The following SPDYE18 variants were observed in gnomAD, a reference collection of about 807,000 sequenced individuals.
SPDYE18 encodes the protein speedy protein E18.
In SPDYE18, 6 loss-of-function variants were observed where a neutral mutation model predicts 44.9. That is an observed-to-expected ratio of 0.13 (90% confidence interval 0.07 to 0.26). The LOEUF is 0.26. Ranked by LOEUF, SPDYE18 falls within the 10% of genes least tolerant of loss-of-function variation. SPDYE18 has a pLI of 1.00. For missense variants in SPDYE18, 121 were observed against 463.2 expected, an observed-to-expected ratio of 0.26 and a Z score of 6.78; for synonymous variants, 35 against 177.1, an observed-to-expected ratio of 0.20 and a Z score of 6.37.
chr7:77,053,431 G>A (rs567161775), intron 6 of SPDYE18, among the ~76,000 whole-genome samples: 29 of 152,390 alleles, frequency 1.9e-4, no homozygotes, highest in African/African-American at 6.7e-4. Context: ...GGCCGAGAGT[G>A]GTGGCTTATG....
rs1430284610 is a variant in SPDYE18 at position 77,056,325 on chromosome 7, G to A, written c.669+225C>T. Among the ~76,000 whole-genome samples the A allele has an allele frequency of 1.1e-4, 6 of 53,082 alleles. No homozygotes were observed. In the Admixed American group the frequency reaches 1.7e-3, roughly 15 times the overall value. 34.8% of individuals were successfully genotyped at this position (53,082 alleles called of 152,430 possible). ...GCTTGGAGGCTGAGGCAGGAGAATC[G>A]CTTGAACCCGGGAGGCATCGGCTGC... On this transcript the variant is annotated intron_variant, in intron 5 of 8. Transcript: ENST00000510091.
intron 2 of SPDYE18, among the ~76,000 whole-genome samples, chr7:77,060,008 CTTCTTTTCTTTT>C (rs1789994520): frequency 7.0e-6 from 1 of 141,866 alleles, no homozygotes; most frequent in Non-Finnish European, 1.5e-5. Context: ...ACCGCTGACC[CTTCTTTTCTTTT>C]TTCTTTTCTT....
Position 77,050,963 on chromosome 7 carries a change from C to A in SPDYE18, c.*962G>T, listed in dbSNP as rs1366427638. On this transcript the variant is annotated 3_prime_UTR_variant, in exon 9 of 9. Coordinates refer to ENST00000510091, the MANE Select transcript of SPDYE18 (RefSeq NM_001394953.1). ...AATAATACTTAAATAATTCTATACCCATGTTTTTCAAAATAAACCAATAAA... is the reference window on the plus strand; with the variant it reads ...AATAATACTTAAATAATTCTATACCAATGTTTTTCAAAATAAACCAATAAA... 2.6e-5 allele frequency among the ~76,000 whole-genome samples: 4 copies of A among 150,958 alleles called. No homozygotes were observed. The East Asian group carries it at 7.7e-4, about 29-fold the overall frequency.
At position 77,051,260 on chromosome 7, in the gene SPDYE18, T is replaced by C. The variant is rs539836062; in HGVS notation, c.*665A>G. Among the ~76,000 whole-genome samples, 682 of 152,244 alleles carry C rather than the reference T, an allele frequency of 4.5e-3. No individual in the cohort carries two copies. The highest frequency in any genetic ancestry group is 0.014 in the African/African-American group (592 of 41,540). ...AATAAAATATTTAGGATAAAAAGAA[T>C]TGTCTCTTAAAAATGAAAAGAAAAT... On this transcript the variant is annotated 3_prime_UTR_variant, in exon 9 of 9. Coordinates refer to ENST00000510091, the MANE Select transcript of SPDYE18 (RefSeq NM_001394953.1).
At chr7:77,054,726 T>G (rs1789886749) in intron 6 of SPDYE18, among the ~76,000 whole-genome samples, 1 of 150,970 alleles carries the variant, frequency 6.6e-6, no homozygotes, top group African/African-American at 2.4e-5. Flanking sequence ...CCTTTTGTTT[T>G]ATTCTTTTAT....
chr7:77,051,327 A>ACT lies in SPDYE18; in HGVS notation c.*596_*597dup, dbSNP rs550307221. Reference sequence around the variant, plus strand: ...TAACAACTATAACTCTCATCAAAAAACTACAGGAACAGCATGTTTTCAAAA... The same window carrying ACT: ...TAACAACTATAACTCTCATCAAAAAACTCTACAGGAACAGCATGTTTTCAAAA... On this transcript the variant is annotated 3_prime_UTR_variant, in exon 9 of 9. Transcript: ENST00000510091. 4.6e-5 allele frequency among the ~76,000 whole-genome samples: 7 copies of ACT among 152,284 alleles called. No individual in the cohort carries two copies. The highest frequency in any genetic ancestry group is 2.4e-5 in the African/African-American group (1 of 41,488).
At chr7:77,053,296 C>T (rs538632773) in intron 6 of SPDYE18, 93 bp from the exon 7 acceptor site, 2 of 1,524,232 alleles carry the variant, frequency 1.3e-6, no homozygotes, top group African/African-American at 2.7e-5. Context: ...AAGGGACTGT[C>T]CCTAGCTCAG....
intron 1 of SPDYE18, among the ~76,000 whole-genome samples, chr7:77,062,082 C>G (rs3972469): frequency 2.2e-5 from 3 of 137,812 alleles, no homozygotes; most frequent in Admixed American, 1.6e-4. Flanking sequence ...GAGCCAAGAT[C>G]GCACCATTGT....
At chr7:77,060,096 AGTG>A in intron 2 of SPDYE18, among the ~76,000 whole-genome samples, 1 of 147,664 alleles carries the variant, frequency 6.8e-6, no homozygotes, top group South Asian at 2.2e-4. Flanking sequence ...CCCAGTCTCA[AGTG>A]ATTCTCCTGT....
At chr7:77,062,011 CG>C (rs1790027815) in intron 1 of SPDYE18, among the ~76,000 whole-genome samples, 1 of 117,738 alleles carries the variant, frequency 8.5e-6, no homozygotes, top group African/African-American at 3.3e-5. Context: ...TGCCTGTAAT[CG>C]CAGCTACTCA....
At chr7:77,054,783 T>C (rs1789888595) in intron 6 of SPDYE18, among the ~76,000 whole-genome samples, 3 of 150,838 alleles carry the variant, frequency 2.0e-5, no homozygotes, top group Admixed American at 2.0e-4. Flanking sequence ...TTTTTTTTTT[T>C]TTGAGAAAAA....
chr7:77,052,248 C>G (rs1789815707), intron 8 of SPDYE18, among the ~76,000 whole-genome samples: 1 of 151,518 alleles, frequency 6.6e-6, no homozygotes, highest in Non-Finnish European at 1.5e-5. Flanking sequence ...AGATGTGTTT[C>G]TAATGTGACA....
rs1226572644 is a variant in SPDYE18 at position 77,060,848 on chromosome 7, C to G, written c.-336G>C. ...ACTCCACATCCCTGTGTTCCCTGTC[C>G]CAGCAGAGGCTGTGTCCTCTCCACT... On this transcript the variant is annotated 5_prime_UTR_variant, in exon 2 of 9. Coordinates refer to ENST00000510091, the MANE Select transcript of SPDYE18 (RefSeq NM_001394953.1). Among the ~76,000 whole-genome samples the G allele has an allele frequency of 1.3e-5, 2 of 151,516 alleles. No homozygotes were observed. Among genetic ancestry groups the G allele is most frequent in the Admixed American group, 1.3e-4 (2 of 15,188 alleles).
intron 8 of SPDYE18, among the ~76,000 whole-genome samples, 136 bp downstream of exon 8, chr7:77,052,597 G>C (rs1267959671): frequency 6.6e-6 from 1 of 152,290 alleles, no homozygotes; most frequent in Non-Finnish European, 1.5e-5. Context: ...ACATCGCCTG[G>C]CTAATTTTTG....
At chr7:77,054,588 C>A (rs1170523669) in intron 6 of SPDYE18, among the ~76,000 whole-genome samples, 2 of 151,976 alleles carry the variant, frequency 1.3e-5, no homozygotes, top group Non-Finnish European at 1.5e-5. Flanking sequence ...CAGAGGAGGT[C>A]GATGGCGTTT....
At chr7:77,058,805 T>C (rs1273188898) in intron 3 of SPDYE18, among the ~76,000 whole-genome samples, 12 of 151,814 alleles carry the variant, frequency 7.9e-5, no homozygotes, top group African/African-American at 2.9e-4. Flanking sequence ...CCTTCGTTTT[T>C]CTTTTGACAC....
intron 5 of SPDYE18, among the ~76,000 whole-genome samples, chr7:77,056,141 TG>T (rs1583976734): frequency 8.9e-6 from 1 of 112,610 alleles, no homozygotes; most frequent in Admixed American, 9.8e-5. Flanking sequence ...TCGGGCACAG[TG>T]GCTGACGTCT....
chr7:77,060,685 T>C lies in SPDYE18; in HGVS notation c.-173A>G, dbSNP rs553212423. On this transcript the variant is annotated 5_prime_UTR_variant, in exon 2 of 9. Coordinates refer to ENST00000510091, the MANE Select transcript of SPDYE18 (RefSeq NM_001394953.1). Reference sequence around the variant, plus strand: ...AAGGTCGGAATCTCTGATGTCATCGTTCATGCCAACCTGGCAACCAGTTTG... The same window carrying C: ...AAGGTCGGAATCTCTGATGTCATCGCTCATGCCAACCTGGCAACCAGTTTG... Among the ~76,000 whole-genome samples the C allele has an allele frequency of 0.011, 1,604 of 148,706 alleles. 5 individuals carry two copies. The highest frequency in any genetic ancestry group is 0.038 in the African/African-American group (1,519 of 40,082).
At position 77,051,897 on chromosome 7, in the gene SPDYE18, A is replaced by G. The variant is rs1305887471; in HGVS notation, c.*46-18T>C. ...CCGGTGTTCTGGAAGTGAGAGAGACAATGTCACACTTGAAGGAGGCAGCTC... is the reference window on the plus strand; with the variant it reads ...CCGGTGTTCTGGAAGTGAGAGAGACGATGTCACACTTGAAGGAGGCAGCTC... On this transcript the variant is annotated intron_variant, in intron 8 of 8. Coordinates refer to ENST00000510091, the MANE Select transcript of SPDYE18 (RefSeq NM_001394953.1). Among the ~76,000 whole-genome samples, 2 of 150,490 alleles carry G rather than the reference A, an allele frequency of 1.3e-5. No individual in the cohort carries two copies. The highest frequency in any genetic ancestry group is 3.0e-5 in the Non-Finnish European group (2 of 67,558).
Sources: allele counts gnomAD v4.1 joint callset (sites outside exome capture counted in the v4.1 genomes callset), GRCh38; gene constraint gnomAD v4.1.1; transcripts MANE v1.5; gene names NCBI Gene and HGNC (gene_info 2026-07-23, HGNC 2026-07-21).